Variants in KCNK2 observed in about 807,000 individuals in gnomAD.
The protein encoded by KCNK2 is potassium channel subfamily K member 2.
KCNK2 carries 21 observed loss-of-function variants against 40.5 expected under a neutral mutation model. That is an observed-to-expected ratio of 0.52 (90% CI 0.37 to 0.75). The LOEUF is 0.75. Among genes scored for constraint, KCNK2 ranks in the 30% least tolerant of loss-of-function variants. KCNK2 has a pLI of 0.00. For missense variants in KCNK2, 399 were observed against 531.6 expected (o/e 0.75, Z 2.45); for synonymous variants, 191 against 202.2 (o/e 0.94, Z 0.47).
chr1:215,124,872 G>A, intron 3 of KCNK2, 122 bp downstream of exon 3: 1 of 659,202 alleles, frequency 1.5e-6, no homozygotes. Flanking sequence ...CTAGATTATA[G>A]TAAATTGATT....
intron 6 of KCNK2, among the ~76,000 whole-genome samples, chr1:215,232,614 T>TA (rs1334134178): frequency 5.3e-5 from 8 of 152,328 alleles, no homozygotes; most frequent in Admixed American, 4.6e-4. Flanking sequence ...ACATTCTCAT[T>TA]AGAAAAGACA....
At position 215,097,393 on chromosome 1, in the gene KCNK2, C is replaced by A. The variant is rs111776965; in HGVS notation, c.357+10715C>A. Reference sequence around the variant, plus strand: ...TGATACCTTCTCTTCCCCTCTCTTTCTCTTCCCTCCCCCATTCTTACTTTC... The same window carrying A: ...TGATACCTTCTCTTCCCCTCTCTTTATCTTCCCTCCCCCATTCTTACTTTC... On this transcript the variant is annotated intron_variant, in intron 2 of 6. Transcript: ENST00000444842. 1.1e-3 allele frequency among the ~76,000 whole-genome samples: 173 copies of A among 151,312 alleles called. 2 individuals carry two copies. Among genetic ancestry groups the A allele is most frequent in the African/African-American group, 3.9e-3 (162 of 41,294 alleles).
intron 1 of KCNK2, among the ~76,000 whole-genome samples, chr1:215,050,679 A>G (rs1279374914): frequency 6.6e-6 from 1 of 152,198 alleles, no homozygotes; most frequent in Non-Finnish European, 1.5e-5. Context: ...ATTTTTGAGG[A>G]TGAGAACTGT....
intron 2 of KCNK2, among the ~76,000 whole-genome samples, chr1:215,109,024 T>G (rs1359383459): frequency 1.3e-5 from 2 of 152,040 alleles, no homozygotes; most frequent in Non-Finnish European, 2.9e-5. Flanking sequence ...TATATATCAT[T>G]CATTCATATA....
upstream of KCNK2, among the ~76,000 whole-genome samples, chr1:215,078,968 T>G (rs563697941): frequency 5.3e-5 from 8 of 152,214 alleles, no homozygotes; most frequent in Non-Finnish European, 7.3e-5. Flanking sequence ...CACTATGACA[T>G]TTTGAATAGG....
intron 4 of KCNK2, among the ~76,000 whole-genome samples, 157 bp downstream of exon 4, chr1:215,169,516 T>A (rs1288011754): frequency 1.3e-5 from 2 of 152,172 alleles, no homozygotes; most frequent in Non-Finnish European, 2.9e-5. Flanking sequence ...CACTGTTTTT[T>A]AATTATGTTT....
At chr1:215,070,639 A>G (rs1307230695) in intron 1 of KCNK2, among the ~76,000 whole-genome samples, 3 of 152,024 alleles carry the variant, frequency 2.0e-5, no homozygotes, top group African/African-American at 7.2e-5. Context: ...CACTGGAAAG[A>G]TTTGACCCCG....
intron 1 of KCNK2, among the ~76,000 whole-genome samples, chr1:215,071,861 G>A (rs1481148810): frequency 6.6e-6 from 1 of 152,040 alleles, no homozygotes; most frequent in Non-Finnish European, 1.5e-5. Context: ...CAGCGGGGAG[G>A]GTAAATGTCA....
intron 3 of KCNK2, among the ~76,000 whole-genome samples, chr1:215,163,569 T>C (rs1663306111): frequency 1.3e-5 from 2 of 152,110 alleles, no homozygotes; most frequent in South Asian, 4.1e-4. Context: ...CATAAATAGC[T>C]CTTATTATTT....
chr1:215,026,889 T>G (rs550703381), intron 1 of KCNK2, among the ~76,000 whole-genome samples: 2 of 152,178 alleles, frequency 1.3e-5, no homozygotes, highest in South Asian at 4.1e-4. Context: ...TTATATTAAT[T>G]TATTCCATTT....
At chr1:215,128,500 T>G (rs911115476) in intron 3 of KCNK2, among the ~76,000 whole-genome samples, 2 of 152,156 alleles carry the variant, frequency 1.3e-5, no homozygotes, top group Non-Finnish European at 2.9e-5. Context: ...ATGAAATGAC[T>G]GAAGAATAAC....
intron 2 of KCNK2, among the ~76,000 whole-genome samples, chr1:215,094,198 CT>C (rs1342601991): frequency 6.6e-6 from 1 of 151,316 alleles, no homozygotes; most frequent in Admixed American, 6.6e-5. Flanking sequence ...AAAAGGCTTT[CT>C]TTTCTTACCA....
At chr1:215,070,138 C>T (rs568504914) in intron 1 of KCNK2, among the ~76,000 whole-genome samples, 7 of 152,022 alleles carry the variant, frequency 4.6e-5, no homozygotes, top group South Asian at 4.2e-4. Context: ...AGGTTGGGCA[C>T]GGTGGCTCAT....
At chr1:215,095,785 G>A (rs1189181151) in intron 2 of KCNK2, among the ~76,000 whole-genome samples, 4 of 152,126 alleles carry the variant, frequency 2.6e-5, no homozygotes, top group South Asian at 2.1e-4. Flanking sequence ...TGCTTTAGTC[G>A]TCTGTGTGCT....
At chr1:215,128,436 A>G (rs953370063) in intron 3 of KCNK2, among the ~76,000 whole-genome samples, 7 of 152,234 alleles carry the variant, frequency 4.6e-5, no homozygotes, top group Non-Finnish European at 7.3e-5. Context: ...GTACAAAGGA[A>G]GTAAGGACGT....
intron 6 of KCNK2, among the ~76,000 whole-genome samples, chr1:215,230,056 G>GATAT (rs201820502): frequency 7.4e-6 from 1 of 135,288 alleles, no homozygotes; most frequent in African/African-American, 2.9e-5. Flanking sequence ...TATACACACA[G>GATAT]ATATATATAT....
intron 1 of KCNK2, among the ~76,000 whole-genome samples, chr1:215,055,867 T>A (rs1482539892): frequency 1.3e-5 from 2 of 152,232 alleles, no homozygotes; most frequent in African/African-American, 2.4e-5. Flanking sequence ...CTTGATGGAT[T>A]CTTCCCTTGT....
chr1:215,072,131 C>T (rs1658775450), intron 1 of KCNK2, among the ~76,000 whole-genome samples: 2 of 152,310 alleles, frequency 1.3e-5, no homozygotes, highest in South Asian at 4.1e-4. Flanking sequence ...GATATTTTAA[C>T]ACTTACACTA....
At chr1:215,036,430 A>G (rs906324970) in intron 1 of KCNK2, among the ~76,000 whole-genome samples, 3 of 151,900 alleles carry the variant, frequency 2.0e-5, no homozygotes, top group Admixed American at 1.3e-4. Context: ...GCCCCATCTT[A>G]ACATTCGCTT....
Sources: gnomAD v4.1 joint callset for allele counts (sites outside exome capture counted in the v4.1 genomes callset) on GRCh38, gnomAD v4.1.1 for gene constraint, MANE v1.5 for transcripts, NCBI Gene and HGNC (gene_info 2026-07-23, HGNC 2026-07-21) for gene names.